NFIC: variants seen among roughly 807,000 people sequenced by gnomAD.
NFIC encodes the protein nuclear factor 1 C-type.
In NFIC, 12 loss-of-function variants were observed where a neutral mutation model predicts 54.4. The ratio of observed to expected loss-of-function variants is 0.22; its 90% confidence interval spans 0.14 to 0.36. The LOEUF (loss-of-function observed/expected upper bound fraction) is 0.36, where lower values mean the gene tolerates loss of function less well. Ranked by LOEUF, NFIC falls within the 10% of genes least tolerant of loss-of-function variation. The probability of loss-of-function intolerance (pLI) is 1.00; values close to 1 mark genes in which losing one functional copy is unlikely to be tolerated. For synonymous variants in NFIC, 322 were observed against 319.2 expected (o/e 1.01, Z -0.09); for missense variants, 575 against 718.2 (o/e 0.80, Z 2.28).
chr19:3,454,264 G>T (rs960520992), intron 9 of NFIC: 2 of 1,132,696 alleles, frequency 1.8e-6, no homozygotes, highest in South Asian at 8.0e-5. Context: ...CGGCCCGAGG[G>T]CCAGACTCGA....
At chr19:3,376,147 A>T (rs2145453216) in intron 1 of NFIC, among the ~76,000 whole-genome samples, 1 of 152,204 alleles carries the variant, frequency 6.6e-6, no homozygotes, top group African/African-American at 2.4e-5. Flanking sequence ...TGATCATCGC[A>T]GCAATCGCGT....
chr19:3,429,836 C>T (rs1343147001), intron 3 of NFIC, among the ~76,000 whole-genome samples: 1 of 152,232 alleles, frequency 6.6e-6, no homozygotes, highest in Non-Finnish European at 1.5e-5. Context: ...TTTGCACGGG[C>T]TGTTCCCAGT....
At chr19:3,444,665 C>T (rs541377118) in intron 6 of NFIC, among the ~76,000 whole-genome samples, 16 of 152,340 alleles carry the variant, frequency 1.1e-4, no homozygotes, top group Admixed American at 8.5e-4. Flanking sequence ...AGGGATGTGG[C>T]GGCCGGGGGT....
In NFIC at chr19:3,434,368, CAGA is replaced by C. The variant is rs768539817; in HGVS notation, c.806_808del (p.Arg269del). The C allele has an allele frequency of 6.2e-7, 1 of 1,612,610 alleles. No individual in the cohort carries two copies. The highest frequency in any genetic ancestry group is 1.7e-5 in the Admixed American group (1 of 59,796). Reference sequence around the variant, plus strand: ...ACCTGAACCCAGCCAGCACTGGCCTCAGAAGAACGCTGCCCAGCACCTCCTCCA... The same window carrying C: ...ACCTGAACCCAGCCAGCACTGGCCTCAGAACGCTGCCCAGCACCTCCTCCA... On this transcript the variant is annotated inframe_deletion, in exon 5 of 11. Coordinates refer to ENST00000443272, the MANE Select transcript of NFIC (RefSeq NM_001245002.2).
At chr19:3,431,138 G>A (rs2082113908) in intron 3 of NFIC, among the ~76,000 whole-genome samples, 3 of 151,298 alleles carry the variant, frequency 2.0e-5, no homozygotes, top group Admixed American at 6.6e-5. Flanking sequence ...GTGCAATGTC[G>A]CGATCTCGGC....
chr19:3,370,581 C>G lies in NFIC; in HGVS notation c.30+3915C>G, dbSNP rs1024575498. 1.3e-5 allele frequency among the ~76,000 whole-genome samples: 2 copies of G among 150,566 alleles called. No homozygotes were observed. The highest frequency in any genetic ancestry group is 4.9e-5 in the African/African-American group (2 of 40,878). On this transcript the variant is annotated intron_variant, in intron 1 of 10. Coordinates refer to ENST00000443272, the MANE Select transcript of NFIC (RefSeq NM_001245002.2). The surrounding 1 kb of genome is among the most constrained non-coding windows in gnomAD (Gnocchi z 5.2). ...CTTCTCTGTCTCCCTTTCCGTCTTT[C>G]CCTCTTCCTTTCTCTCTCTCTCCCC...
intron 9 of NFIC, among the ~76,000 whole-genome samples, chr19:3,456,300 G>A (rs2082553421): frequency 1.3e-5 from 2 of 152,282 alleles, no homozygotes; most frequent in African/African-American, 4.8e-5. Context: ...CAGACACCCC[G>A]CCCACCTGGG....
At chr19:3,395,492 A>AT (rs530190180) in intron 2 of NFIC, among the ~76,000 whole-genome samples, 64,599 of 130,828 alleles carry the variant, frequency 0.49, 17,538 homozygotes, top group Non-Finnish European at 0.63. Context: ...ACCATGGTTG[A>AT]TTTTTTTTTT....
intron 2 of NFIC, among the ~76,000 whole-genome samples, chr19:3,393,142 T>C (rs919961010): frequency 3.3e-5 from 5 of 152,150 alleles, no homozygotes; most frequent in Admixed American, 2.0e-4. Context: ...AGTTTTACCA[T>C]GTTGGCCAGG....
chr19:3,383,160 G>T (rs961131125), intron 2 of NFIC, among the ~76,000 whole-genome samples: 17 of 152,052 alleles, frequency 1.1e-4, no homozygotes, highest in African/African-American at 3.6e-4. Flanking sequence ...GAGAGTCCTG[G>T]CACCGCTTTC....
intron 1 of NFIC, among the ~76,000 whole-genome samples, chr19:3,373,895 T>C (rs2081064333): frequency 6.6e-6 from 1 of 152,080 alleles, no homozygotes; most frequent in Non-Finnish European, 1.5e-5. Context: ...GCCGTTCACA[T>C]GTCCACAGGC....
At chr19:3,444,326 C>T (rs1218042524) in intron 6 of NFIC, among the ~76,000 whole-genome samples, 2 of 152,216 alleles carry the variant, frequency 1.3e-5, no homozygotes, top group Non-Finnish European at 2.9e-5. Context: ...GGGCCTGCGT[C>T]CTCCTCACAG....
intron 2 of NFIC, among the ~76,000 whole-genome samples, chr19:3,382,930 C>T (rs563891456): frequency 1.3e-5 from 2 of 151,478 alleles, no homozygotes; most frequent in East Asian, 3.9e-4. Context: ...AGAGATGGTA[C>T]AAGGAGGTTT....
In NFIC at chr19:3,452,397, G is replaced by A; in HGVS notation, c.1085-85G>A. The A allele has an allele frequency of 1.3e-6, 2 of 1,521,400 alleles. No homozygotes were observed. The highest frequency in any genetic ancestry group is 2.3e-5 in the South Asian group (2 of 86,326). 94.2% of individuals were successfully genotyped at this position (1,521,400 alleles called of 1,614,324 possible). On this transcript the variant is annotated intron_variant, in intron 7 of 10. Coordinates refer to ENST00000443272, the MANE Select transcript of NFIC (RefSeq NM_001245002.2). This position sits in a 1 kb window ranked among gnomAD's most constrained non-coding sequence, Gnocchi z 5.3. ...AACGCACTGAGATGCCGGCAGGAATGACACCCACAGACACACAGTCACACG... is the reference window on the plus strand; with the variant it reads ...AACGCACTGAGATGCCGGCAGGAATAACACCCACAGACACACAGTCACACG...
At chr19:3,434,196 G>A in intron 4 of NFIC, 81 bp from the exon 5 acceptor site, 1 of 1,520,594 alleles carries the variant, frequency 6.6e-7, no homozygotes, top group Admixed American at 2.0e-5. Flanking sequence ...ACTGCACCCA[G>A]TGGCTTTCCC....
intron 6 of NFIC, 143 bp downstream of exon 6, chr19:3,435,350 C>G (rs939372616): frequency 2.4e-6 from 3 of 1,234,616 alleles, no homozygotes; most frequent in Non-Finnish European, 3.2e-6. Flanking sequence ...TTGTAGTCGT[C>G]CCGAGCTGCG....
At position 3,425,293 on chromosome 19, in the gene NFIC, C is replaced by G. The variant is rs1193142692; in HGVS notation, c.634+116C>G. 8.8e-6 allele frequency: 11 copies of G among 1,255,826 alleles called. No homozygotes were observed. In the South Asian group the frequency reaches 1.3e-4, roughly 15 times the overall value. The allele number at this position is 1,255,826 out of a possible 1,614,324, so 77.8% of individuals were successfully genotyped here. On this transcript the variant is annotated intron_variant, in intron 3 of 10. Coordinates refer to ENST00000443272, the MANE Select transcript of NFIC (RefSeq NM_001245002.2). ...TTTTACAGATGAGCAGACTGAGGCT[C>G]GGAGAGGTTAAGGGGCCTGTCCAGG... is the stretch of plus-strand genomic sequence containing the variant.
Position 3,464,026 on chromosome 19 carries a change from G to A in NFIC, c.*1257G>A, listed in dbSNP as rs2082681002. Reference sequence around the variant, plus strand: ...GGCAGAGCTGGGCGTCACTTCGCAAGCGTCCTGCCCTGCCGGGGCGCGGGG... The same window carrying A: ...GGCAGAGCTGGGCGTCACTTCGCAAACGTCCTGCCCTGCCGGGGCGCGGGG... On this transcript the variant is annotated 3_prime_UTR_variant, in exon 11 of 11. Coordinates refer to ENST00000443272, the MANE Select transcript of NFIC (RefSeq NM_001245002.2). 7 of 985,376 alleles carry A rather than the reference G, an allele frequency of 7.1e-6. No individual in the cohort carries two copies. The highest frequency in any genetic ancestry group is 8.4e-6 in the Non-Finnish European group (7 of 829,956). The allele number at this position is 985,376 out of a possible 1,614,324, so 61.0% of individuals were successfully genotyped here. A position where few individuals can be genotyped will look rare whatever the true frequency, so the allele number is the denominator to read the frequency against.
intron 1 of NFIC, among the ~76,000 whole-genome samples, chr19:3,368,399 G>A (rs377378754): frequency 6.6e-5 from 10 of 152,140 alleles, no homozygotes; most frequent in Non-Finnish European, 5.9e-5. Flanking sequence ...TTGCTAACTC[G>A]GCCTCAGTTT....
Sources: gnomAD v4.1 joint callset for allele counts (sites outside exome capture counted in the v4.1 genomes callset) on GRCh38, gnomAD v4.1.1 for gene constraint, Gnocchi (gnomAD v3.1) non-coding constraint, MANE v1.5 for transcripts, NCBI Gene and HGNC (gene_info 2026-07-23, HGNC 2026-07-21) for gene names.